The following PHKB variants were observed in gnomAD, a reference collection of about 807,000 sequenced individuals.
PHKB encodes the protein phosphorylase kinase regulatory subunit beta, also known as phosphorylase b kinase regulatory subunit beta.
PHKB carries 122 observed loss-of-function variants against 152.1 expected under a neutral mutation model. The observed-to-expected ratio is 0.80, with a 90% CI of 0.69 to 0.93. The LOEUF is 0.93. Among genes scored for constraint, PHKB ranks in the 40% least tolerant of loss-of-function variants. The pLI is 0.00. For synonymous variants in PHKB, 436 were observed against 464.9 expected (o/e 0.94, Z 0.80); for missense variants, 1,304 against 1,328.4 (o/e 0.98, Z 0.29).
chr16:47,635,490 A>G (rs1024722265), intron 14 of PHKB, among the ~76,000 whole-genome samples: 34 of 152,154 alleles, frequency 2.2e-4, no homozygotes, highest in Admixed American at 6.5e-5. Flanking sequence ...GATGACTTAC[A>G]CATTTTTTGG....
intron 8 of PHKB, among the ~76,000 whole-genome samples, chr16:47,587,250 G>A (rs1555486856): frequency 6.6e-6 from 1 of 152,098 alleles, no homozygotes; most frequent in Non-Finnish European, 1.5e-5. Context: ...CATTCATCTA[G>A]ATTGTATCTA....
At chr16:47,570,608 A>G (rs922747648) in intron 7 of PHKB, among the ~76,000 whole-genome samples, 2 of 151,590 alleles carry the variant, frequency 1.3e-5, no homozygotes, top group East Asian at 3.9e-4. Context: ...AACTCCCTAA[A>G]TGAGTCCTTC....
At chr16:47,698,322 A>G in intron 29 of PHKB, 126 bp from the exon 30 acceptor site, 4 of 776,450 alleles carry the variant, frequency 5.2e-6, no homozygotes, top group East Asian at 2.5e-5. Context: ...GATTCCTTCC[A>G]TAGGTGATCC....
rs191805854 is a variant in PHKB at position 47,530,736 on chromosome 16, T to C, written c.594+15135T>C. ...CTAATGTAAAGTAAATATTATACTC[T>C]AAAGTACCTGGGAAAGAACCTAATA... On this transcript the variant is annotated intron_variant, in intron 6 of 30. Coordinates refer to ENST00000323584, the MANE Select transcript of PHKB (RefSeq NM_000293.3). 4.6e-5 allele frequency among the ~76,000 whole-genome samples: 7 copies of C among 152,284 alleles called. No homozygotes were observed. In the East Asian group the frequency reaches 1.4e-3, roughly 29 times the overall value.
intron 7 of PHKB, among the ~76,000 whole-genome samples, chr16:47,555,253 A>G (rs977903547): frequency 6.6e-6 from 1 of 152,200 alleles, no homozygotes; most frequent in African/African-American, 2.4e-5. Flanking sequence ...GCCATACTGA[A>G]CAATTCACTT....
chr16:47,662,109 TTC>T (rs939960946), intron 23 of PHKB, among the ~76,000 whole-genome samples: 6 of 152,230 alleles, frequency 3.9e-5, no homozygotes, highest in Non-Finnish European at 7.3e-5. Context: ...TATTGACAGT[TTC>T]TGTTTCCAGT....
At chr16:47,488,946 G>A (rs1179330688) in intron 1 of PHKB, among the ~76,000 whole-genome samples, 1 of 152,064 alleles carries the variant, frequency 6.6e-6, no homozygotes, top group African/African-American at 2.4e-5. Context: ...GGTTCCATAT[G>A]AATTAAAAAA....
At chr16:47,540,542 T>C (rs1194990065) in intron 6 of PHKB, among the ~76,000 whole-genome samples, 1 of 152,132 alleles carries the variant, frequency 6.6e-6, no homozygotes, top group Non-Finnish European at 1.5e-5. Flanking sequence ...ATCATGGTCC[T>C]ACCGATATGT....
intron 1 of PHKB, among the ~76,000 whole-genome samples, chr16:47,468,281 G>A (rs964437357): frequency 6.6e-6 from 1 of 152,186 alleles, no homozygotes; most frequent in Non-Finnish European, 1.5e-5. Context: ...CTGTCAAGCA[G>A]TGAGATGGGT....
At chr16:47,550,379 A>G (rs1029942682) in intron 7 of PHKB, among the ~76,000 whole-genome samples, 1 of 152,240 alleles carries the variant, frequency 6.6e-6, no homozygotes, top group African/African-American at 2.4e-5. Context: ...TGTTTAGTGC[A>G]GTATCCTTGT....
At chr16:47,622,113 C>T (rs911745330) in intron 14 of PHKB, among the ~76,000 whole-genome samples, 5 of 150,108 alleles carry the variant, frequency 3.3e-5, no homozygotes, top group African/African-American at 7.4e-5. Flanking sequence ...GATTTATGGT[C>T]CAGAATAAAG....
intron 6 of PHKB, among the ~76,000 whole-genome samples, chr16:47,538,941 T>C (rs1426700303): frequency 6.6e-6 from 1 of 152,124 alleles, no homozygotes; most frequent in Non-Finnish European, 1.5e-5. Context: ...GTGAGACATG[T>C]GTATTACCAT....
rs1037428720 is a variant in PHKB, at chr16:47,699,515, G to A, written c.*149G>A. The A allele has an allele frequency of 4.8e-6, 4 of 839,958 alleles. No individual in the cohort carries two copies. In the East Asian group the frequency reaches 7.3e-5, roughly 15 times the overall value. 52.0% of individuals were successfully genotyped at this position (839,958 alleles called of 1,614,324 possible). A position where few individuals can be genotyped will look rare whatever the true frequency, so the allele number is the denominator to read the frequency against. On this transcript the variant is annotated 3_prime_UTR_variant, in exon 31 of 31. Transcript: ENST00000323584. ...TCCTTGGCGGGGTTATGGACCTCTT[G>A]CATGTCATAGCCAATCTAACGGTAA...
At chr16:47,532,702 A>C (rs1280517337) in intron 6 of PHKB, among the ~76,000 whole-genome samples, 1 of 152,242 alleles carries the variant, frequency 6.6e-6, no homozygotes, top group Non-Finnish European at 1.5e-5. Flanking sequence ...AGAAGCTTGG[A>C]GATGTCAGGA....
intron 1 of PHKB, among the ~76,000 whole-genome samples, chr16:47,469,203 T>C (rs1385106384): frequency 6.6e-6 from 1 of 152,198 alleles, no homozygotes; most frequent in Non-Finnish European, 1.5e-5. Flanking sequence ...ATATAATATC[T>C]ATCACACTGG....
At chr16:47,542,306 T>A (rs1231717496) in intron 6 of PHKB, among the ~76,000 whole-genome samples, 2 of 152,114 alleles carry the variant, frequency 1.3e-5, no homozygotes, top group African/African-American at 4.8e-5. Context: ...GATCAGATGG[T>A]TGTAGATGTG....
intron 20 of PHKB, among the ~76,000 whole-genome samples, chr16:47,656,037 G>A (rs897381021): frequency 6.7e-6 from 1 of 149,888 alleles, no homozygotes; most frequent in African/African-American, 2.5e-5. Context: ...TTTTAATTGA[G>A]ACTGAGTCTC....
intron 5 of PHKB, among the ~76,000 whole-genome samples, chr16:47,512,098 G>A (rs1269103140): frequency 6.6e-6 from 1 of 152,184 alleles, no homozygotes; most frequent in Non-Finnish European, 1.5e-5. Flanking sequence ...CTGCTGTGCG[G>A]CCCCATTCCA....
intron 2 of PHKB, among the ~76,000 whole-genome samples, chr16:47,498,404 A>G (rs148526692): frequency 0.01 from 1,565 of 152,320 alleles, 12 homozygotes; most frequent in Non-Finnish European, 0.017. Flanking sequence ...GAGGCTGGGC[A>G]TGGTGGCTCA....
Sources: gnomAD v4.1 joint callset for allele counts (sites outside exome capture counted in the v4.1 genomes callset) on GRCh38, gnomAD v4.1.1 for gene constraint, MANE v1.5 for transcripts, NCBI Gene and HGNC (gene_info 2026-07-23, HGNC 2026-07-21) for gene names.